Variants in RAB8B observed in about 807,000 individuals in gnomAD.
RAB8B encodes the protein RAB8B, member RAS oncogene family, also known as ras-related protein Rab-8B.
A neutral mutation model predicts 32.0 loss-of-function variants in RAB8B; 11 were observed. The ratio of observed to expected loss-of-function variants is 0.34; its 90% CI spans 0.22 to 0.57. The LOEUF (loss-of-function observed/expected upper bound fraction) is 0.57. RAB8B is among the 20% of genes least tolerant of loss of function. The pLI is 0.86. For missense variants in RAB8B, 190 were observed against 258.5 expected (o/e 0.73, Z 1.82); for synonymous variants, 103 against 89.6 (o/e 1.15, Z -0.85).
intron 1 of RAB8B, among the ~76,000 whole-genome samples, chr15:63,197,418 G>GGCTGGAAT (rs2037612485): frequency 8.1e-6 from 1 of 123,282 alleles, no homozygotes; most frequent in Admixed American, 1.0e-4. Context: ...CTTTCGCCCA[G>GGCTGGAAT]GCTGGAATGT....
At chr15:63,252,462 T>C (rs540286676) in intron 3 of RAB8B, among the ~76,000 whole-genome samples, 1 of 152,304 alleles carries the variant, frequency 6.6e-6, no homozygotes, top group South Asian at 2.1e-4. Flanking sequence ...AGCCTCAGAC[T>C]CTAGCCTGCG....
Position 63,249,731 on chromosome 15 carries a change from C to A in RAB8B, c.246+26C>A, listed in dbSNP as rs912600823. On this transcript the variant is annotated intron_variant, in intron 3 of 7. Transcript: ENST00000321437. ...GTGAGTGTGTTGTAGGGTTTTGTAACTCTTCAGGTAGAAGTAAAGCATGAA... is the reference window on the plus strand; with the variant it reads ...GTGAGTGTGTTGTAGGGTTTTGTAAATCTTCAGGTAGAAGTAAAGCATGAA... 3 of 1,600,924 alleles carry A rather than the reference C, an allele frequency of 1.9e-6. No individual in the cohort carries two copies. The African/African-American group carries it at 4.0e-5, about 21-fold the overall frequency.
intron 1 of RAB8B, among the ~76,000 whole-genome samples, chr15:63,193,265 A>G (rs530912050): frequency 3.3e-5 from 5 of 152,066 alleles, no homozygotes; most frequent in African/African-American, 4.8e-5. Context: ...AGGTTTTGCT[A>G]TCTTCTCTGA....
intron 5 of RAB8B, among the ~76,000 whole-genome samples, chr15:63,258,282 A>G (rs1301417308): frequency 6.6e-6 from 1 of 151,826 alleles, no homozygotes; most frequent in African/African-American, 2.4e-5. Context: ...TTGTATTTTT[A>G]GTACAGACGG....
rs922808993 is a variant in RAB8B, at chr15:63,248,454, G to A, written c.186-1191G>A. ...TTGAACCCAGGAGGCAGAGGTTGCA[G>A]TGAGCCAGGATTGTGCCACTGGACC... On this transcript the variant is annotated intron_variant, in intron 2 of 7. Transcript: ENST00000321437. This position sits in a 1 kb window ranked among gnomAD's most constrained non-coding sequence, Gnocchi z 4.4. 1.3e-5 allele frequency among the ~76,000 whole-genome samples: 2 copies of A among 152,338 alleles called. No individual in the cohort carries two copies. Among genetic ancestry groups the A allele is most frequent in the African/African-American group, 4.8e-5 (2 of 41,580 alleles).
At chr15:63,238,875 T>C (rs1781403682) in intron 1 of RAB8B, among the ~76,000 whole-genome samples, 1 of 152,180 alleles carries the variant, frequency 6.6e-6, no homozygotes, top group African/African-American at 2.4e-5. Flanking sequence ...GAACATGACA[T>C]TCCCATGGTT....
intron 1 of RAB8B, among the ~76,000 whole-genome samples, chr15:63,220,403 G>A (rs920475176): frequency 1.3e-5 from 2 of 151,704 alleles, no homozygotes; most frequent in Non-Finnish European, 2.9e-5. Flanking sequence ...AATATGGATT[G>A]CAACCCTTTA....
At position 63,231,493 on chromosome 15, in the gene RAB8B, G is replaced by GTT. The variant is rs370434360; in HGVS notation, c.125-13258_125-13257dup. On this transcript the variant is annotated intron_variant, in intron 1 of 7. Transcript: ENST00000321437. Reference sequence around the variant, plus strand: ...AGTACCTAAAATCAGGGATTTGCGTGTTTTTTGTTTTTTTTTTTAACTTCA... The same window carrying GTT: ...AGTACCTAAAATCAGGGATTTGCGTGTTTTTTTTGTTTTTTTTTTTAACTTCA... 4.7e-3 allele frequency among the ~76,000 whole-genome samples: 138 copies of GTT among 29,302 alleles called. 1 individual carries two copies. The highest frequency in any genetic ancestry group is 8.0e-3 in the African/African-American group (114 of 14,168). The allele number at this position is 29,302 out of a possible 152,430, so 19.2% of individuals were successfully genotyped here.
At chr15:63,235,040 T>C (rs2037966926) in intron 1 of RAB8B, among the ~76,000 whole-genome samples, 1 of 152,148 alleles carries the variant, frequency 6.6e-6, no homozygotes, top group Non-Finnish European at 1.5e-5. Context: ...CTTTCTGAAC[T>C]TGATCCAATC....
At position 63,248,254 on chromosome 15, in the gene RAB8B, C is replaced by A. The variant is rs1380558999; in HGVS notation, c.186-1391C>A. ...CTGGGCCGGGTGCAGTGGCTCACGC[C>A]TGTAATGCCAGCACGTTGGGAGGCC... On this transcript the variant is annotated intron_variant, in intron 2 of 7. Coordinates refer to ENST00000321437, the MANE Select transcript of RAB8B (RefSeq NM_016530.3). The surrounding 1 kb of genome is among the most constrained non-coding windows in gnomAD (Gnocchi z 4.4). Among the ~76,000 whole-genome samples the A allele has an allele frequency of 6.6e-6, 1 of 152,198 alleles. No homozygotes were observed. The highest frequency in any genetic ancestry group is 1.5e-5 in the Non-Finnish European group (1 of 68,032).
chr15:63,266,185 A>C lies in RAB8B; in HGVS notation c.*2566A>C, dbSNP rs2038246279. ...GGTCTTATGGATAAGGTACATGAAG[A>C]TTTTTGCAGCAGTATTAGTGGTTCA... On this transcript the variant is annotated 3_prime_UTR_variant, in exon 8 of 8. Transcript: ENST00000321437. The C allele has an allele frequency of 6.6e-6, 1 of 152,548 alleles. No individual in the cohort carries two copies. The highest frequency in any genetic ancestry group is 1.5e-5 in the Non-Finnish European group (1 of 67,984). The allele number at this position is 152,548 out of a possible 1,614,324, so 9.4% of individuals were successfully genotyped here. A position where few individuals can be genotyped will look rare whatever the true frequency, so the allele number is the denominator to read the frequency against.
chr15:63,251,923 G>A (rs919230386), intron 3 of RAB8B, among the ~76,000 whole-genome samples: 1 of 151,868 alleles, frequency 6.6e-6, no homozygotes, highest in Admixed American at 6.6e-5. Flanking sequence ...TCAGGTATGT[G>A]GCATGTTGAC....
At chr15:63,250,245 C>T (rs1011276969) in intron 3 of RAB8B, among the ~76,000 whole-genome samples, 3 of 152,218 alleles carry the variant, frequency 2.0e-5, no homozygotes, top group African/African-American at 7.2e-5. Flanking sequence ...AGAACTCCTC[C>T]ACACATTCTG....
At chr15:63,252,486 A>G (rs896938010) in intron 3 of RAB8B, among the ~76,000 whole-genome samples, 1 of 152,242 alleles carries the variant, frequency 6.6e-6, no homozygotes, top group Non-Finnish European at 1.5e-5. Context: ...TTAACACCAC[A>G]CCATGTTCAC....
At chr15:63,238,435 G>A (rs142723147) in intron 1 of RAB8B, among the ~76,000 whole-genome samples, 4 of 152,086 alleles carry the variant, frequency 2.6e-5, no homozygotes, top group Non-Finnish European at 5.9e-5. Flanking sequence ...TACTTGGGCT[G>A]CTCATTGTCC....
At chr15:63,195,123 A>C (rs2037590021) in intron 1 of RAB8B, among the ~76,000 whole-genome samples, 1 of 152,244 alleles carries the variant, frequency 6.6e-6, no homozygotes, top group Non-Finnish European at 1.5e-5. Flanking sequence ...CTCAAACAAA[A>C]ATATGCAAGG....
At chr15:63,213,105 G>A (rs551266928) in intron 1 of RAB8B, among the ~76,000 whole-genome samples, 1 of 151,936 alleles carries the variant, frequency 6.6e-6, no homozygotes, top group South Asian at 2.1e-4. Context: ...AACTCTCTAG[G>A]TTCTGACTAT....
At chr15:63,249,566 A>G in intron 2 of RAB8B, 79 bp from the exon 3 acceptor site, 3 of 1,344,682 alleles carry the variant, frequency 2.2e-6, no homozygotes, top group Non-Finnish European at 3.2e-6. Context: ...GACTAGAATT[A>G]CATCTCCTAC....
chr15:63,257,826 C>T (rs962275616), intron 5 of RAB8B, among the ~76,000 whole-genome samples: 7 of 151,528 alleles, frequency 4.6e-5, no homozygotes, highest in Non-Finnish European at 8.8e-5. Context: ...TTTGGGAGGC[C>T]GAGGTGGGTG....
Sources: gnomAD v4.1 joint callset for allele counts (sites outside exome capture counted in the v4.1 genomes callset) on GRCh38, gnomAD v4.1.1 for gene constraint, Gnocchi (gnomAD v3.1) non-coding constraint, MANE v1.5 for transcripts, NCBI Gene and HGNC (gene_info 2026-07-23, HGNC 2026-07-21) for gene names.